ADAMTS16: variants seen among roughly 807,000 people sequenced by gnomAD.
ADAMTS16 encodes ADAM metallopeptidase with thrombospondin type 1 motif 16.
Under a neutral mutation model 145.8 loss-of-function variants are expected in ADAMTS16, and 94 were observed. That is an observed-to-expected ratio of 0.64 (90% CI 0.55 to 0.77). The LOEUF is 0.77. ADAMTS16 is among the 30% of genes least tolerant of loss of function. The pLI, the probability that ADAMTS16 is intolerant of heterozygous loss-of-function variation, is 0.00. For synonymous variants in ADAMTS16, 659 were observed against 604.3 expected (o/e 1.09, Z -1.33); for missense variants, 1,585 against 1,591.5 (o/e 1.00, Z 0.07).
In ADAMTS16 at chr5:5,276,372, T is replaced by C. The variant is rs182977709; in HGVS notation, c.2789+13589T>C. 1.4e-3 allele frequency among the ~76,000 whole-genome samples: 208 copies of C among 152,340 alleles called. 1 individual carries two copies. The highest frequency in any genetic ancestry group is 0.014 in the Middle Eastern group (4 of 294). On this transcript the variant is annotated intron_variant, in intron 18 of 22. Coordinates refer to ENST00000274181, the MANE Select transcript of ADAMTS16 (RefSeq NM_139056.4). ...TACTGCTGGAAGTGATATATTCTTC[T>C]ATAAGACCACCACTTTCTGATTTAA...
chr5:5,172,852 C>T (rs1735083025), intron 3 of ADAMTS16, among the ~76,000 whole-genome samples: 1 of 152,092 alleles, frequency 6.6e-6, no homozygotes, highest in South Asian at 2.1e-4. Flanking sequence ...TCATTGGGAT[C>T]TATTTCTCTG....
intron 18 of ADAMTS16, among the ~76,000 whole-genome samples, chr5:5,302,635 A>G (rs1739833104): frequency 6.6e-6 from 1 of 152,230 alleles, no homozygotes; most frequent in African/African-American, 2.4e-5. Flanking sequence ...CTAAAGACTA[A>G]AAGAGAAGAT....
chr5:5,194,034 C>T (rs1735733754), intron 8 of ADAMTS16, among the ~76,000 whole-genome samples: 3 of 151,856 alleles, frequency 2.0e-5, no homozygotes, highest in South Asian at 2.1e-4. Context: ...CCCAGGAAGT[C>T]GAGGCTGCAG....
chr5:5,233,899 G>A (rs1737014746), intron 12 of ADAMTS16, among the ~76,000 whole-genome samples: 1 of 152,126 alleles, frequency 6.6e-6, no homozygotes, highest in Non-Finnish European at 1.5e-5. Flanking sequence ...TCTTTTTGTA[G>A]GTTTTTGAGT....
rs367839151 is a variant in ADAMTS16, at chr5:5,319,096, C to T, written c.3633C>T (p.Tyr1211=). The change falls in exon 23 of 23, where the codon TAC becomes TAT. Residue 1211 remains tyrosine (Y), a synonymous_variant. Transcript: ENST00000274181. The part of the protein sequence containing the change: ...PQHGMCSHKF[Y]GKQCCKTCSK... ...ACGGGATGTGCAGCCACAAGTTCTACGGCAAGCAGTGCTGCAAGACTTGCT... is the reference window on the plus strand; with the variant it reads ...ACGGGATGTGCAGCCACAAGTTCTATGGCAAGCAGTGCTGCAAGACTTGCT... 9.9e-5 allele frequency: 159 copies of T among 1,613,182 alleles called. No individual in the cohort carries two copies. Among genetic ancestry groups the T allele is most frequent in the East Asian group, 1.8e-4 (8 of 44,872 alleles).
intron 17 of ADAMTS16, among the ~76,000 whole-genome samples, chr5:5,246,689 A>G (rs575501106): frequency 6.6e-6 from 1 of 152,308 alleles, no homozygotes; most frequent in East Asian, 1.9e-4. Context: ...AAAACTATTT[A>G]GTGCCTCTTT....
At chr5:5,297,422 G>T (rs551212087) in intron 18 of ADAMTS16, among the ~76,000 whole-genome samples, 2 of 152,332 alleles carry the variant, frequency 1.3e-5, no homozygotes, top group South Asian at 4.2e-4. Flanking sequence ...GAGTTGACTG[G>T]TTTCCCTTTT....
At position 5,319,648 on chromosome 5, in the gene ADAMTS16, G is replaced by C. The variant is rs903280281; in HGVS notation, c.*510G>C. On this transcript the variant is annotated 3_prime_UTR_variant, in exon 23 of 23. Coordinates refer to ENST00000274181, the MANE Select transcript of ADAMTS16 (RefSeq NM_139056.4). Reference sequence around the variant, plus strand: ...GGTGGAGGTCAGGGGAGCTCCAGGAGGCTGCCCAGGCTCCTCCTCCTCCTC... The same window carrying C: ...GGTGGAGGTCAGGGGAGCTCCAGGACGCTGCCCAGGCTCCTCCTCCTCCTC... 1 of 348,140 alleles carries C rather than the reference G, an allele frequency of 2.9e-6. No individual in the cohort carries two copies. Among genetic ancestry groups the C allele is most frequent in the African/African-American group, 2.2e-5 (1 of 45,892 alleles). The allele number at this position is 348,140 out of a possible 1,614,324, so 21.6% of individuals were successfully genotyped here. A position where few individuals can be genotyped will look rare whatever the true frequency, so the allele number is the denominator to read the frequency against.
intron 18 of ADAMTS16, among the ~76,000 whole-genome samples, chr5:5,298,374 G>C (rs1303705637): frequency 6.6e-6 from 1 of 152,234 alleles, no homozygotes; most frequent in Middle Eastern, 3.2e-3. Flanking sequence ...GTTTATTTCA[G>C]AGCTGGACTT....
At chr5:5,145,415 G>T (rs571789572) in intron 2 of ADAMTS16, among the ~76,000 whole-genome samples, 48 of 152,236 alleles carry the variant, frequency 3.2e-4, no homozygotes, top group East Asian at 5.8e-4. Context: ...GCGTATCTCT[G>T]TGCACTGAAT....
At position 5,190,071 on chromosome 5, in the gene ADAMTS16, C is replaced by T; in HGVS notation, c.1148C>T (p.Ala383Val). 1 of 1,612,778 alleles carries T rather than the reference C, an allele frequency of 6.2e-7. No individual in the cohort carries two copies. Among genetic ancestry groups the T allele is most frequent in the Non-Finnish European group, 8.5e-7 (1 of 1,179,488 alleles). Residue 383 changes from alanine to valine, a missense_variant, in exon 7 of 23, where the codon GCC becomes GTC. Around this residue, in one of 3 missense-constraint regions of ADAMTS16, gnomAD observed 298 missense variants for 367.6 expected, o/e 0.81. Coordinates refer to ENST00000274181, the MANE Select transcript of ADAMTS16 (RefSeq NM_139056.4). ...AAAGATGGGACTCGTCATGACCACGCCATCTTACTGACTGGTCTGGATATA... is the reference window on the plus strand; with the variant it reads ...AAAGATGGGACTCGTCATGACCACGTCATCTTACTGACTGGTCTGGATATA... The part of the protein sequence containing the change: ...MGKDGTRHDH[A>V]ILLTGLDICS...
chr5:5,232,661 T>C (rs1736969264), intron 12 of ADAMTS16, 145 bp downstream of exon 12: 4 of 1,061,002 alleles, frequency 3.8e-6, no homozygotes, highest in Non-Finnish European at 5.3e-6. Context: ...TGGAGTGCAG[T>C]GGTGTGATCT....
chr5:5,200,298 T>C (rs938188267), intron 9 of ADAMTS16, 29 bp downstream of exon 9: 1 of 1,612,652 alleles, frequency 6.2e-7, no homozygotes, highest in Non-Finnish European at 8.5e-7. Context: ...GGTCTTGTGA[T>C]CTTTCGGGGC....
At chr5:5,179,344 G>T (rs967619403) in intron 3 of ADAMTS16, among the ~76,000 whole-genome samples, 1 of 151,958 alleles carries the variant, frequency 6.6e-6, no homozygotes, top group East Asian at 1.9e-4. Flanking sequence ...TCTTCTGAGG[G>T]GGGGTTTGAA....
intron 4 of ADAMTS16, among the ~76,000 whole-genome samples, chr5:5,184,061 C>T (rs936933451): frequency 2.0e-5 from 3 of 152,192 alleles, no homozygotes; most frequent in Non-Finnish European, 2.9e-5. Flanking sequence ...TCCTGGGCCT[C>T]GAGTGGCCAG....
intron 4 of ADAMTS16, among the ~76,000 whole-genome samples, chr5:5,184,720 G>A (rs1048243658): frequency 1.3e-5 from 2 of 151,996 alleles, no homozygotes; most frequent in East Asian, 1.9e-4. Context: ...TGGGGACAAC[G>A]TTGCAAGCTC....
intron 3 of ADAMTS16, among the ~76,000 whole-genome samples, chr5:5,164,858 A>T (rs549431592): frequency 6.6e-6 from 1 of 151,862 alleles, no homozygotes; most frequent in Non-Finnish European, 1.5e-5. Context: ...TTGTATTTTT[A>T]GTAGAGACGG....
At chr5:5,281,813 ACT>A (rs554889066) in intron 18 of ADAMTS16, among the ~76,000 whole-genome samples, 44 of 152,188 alleles carry the variant, frequency 2.9e-4, no homozygotes, top group African/African-American at 1.1e-3. Flanking sequence ...TATTTCACAG[ACT>A]CTTATTTTTA....
intron 3 of ADAMTS16, among the ~76,000 whole-genome samples, chr5:5,169,944 T>C (rs1020021670): frequency 6.6e-6 from 1 of 152,232 alleles, no homozygotes; most frequent in Non-Finnish European, 1.5e-5. Flanking sequence ...TCATTTTCTT[T>C]ATCCATTTGT....
Sources: gnomAD v4.1 joint callset for allele counts (sites outside exome capture counted in the v4.1 genomes callset) on GRCh38, gnomAD v4.1.1 for gene constraint, gnomAD v4.1.1 regional missense constraint, MANE v1.5 for transcripts, NCBI Gene and HGNC (gene_info 2026-07-23, HGNC 2026-07-21) for gene names.